The following DENND2B variants were observed in gnomAD, a reference collection of about 807,000 sequenced individuals.
DENND2B encodes DENN domain-containing protein 2B.
A neutral mutation model predicts 116.0 loss-of-function variants in DENND2B; 32 were observed. The ratio of observed to expected loss-of-function variants is 0.28; its 90% CI spans 0.21 to 0.37. The LOEUF is 0.37. DENND2B is among the 10% of genes least tolerant of loss of function. The probability of loss-of-function intolerance (pLI) is 1.00; values close to 1 mark genes in which losing one functional copy is unlikely to be tolerated. For missense variants in DENND2B, 1,276 were observed against 1,477.7 expected, an observed-to-expected ratio of 0.86 and a Z score of 2.24; for synonymous variants, 588 against 583.9, an observed-to-expected ratio of 1.01 and a Z score of -0.10.
At chr11:8,876,172 GC>G (rs1184029066), upstream of DENND2B, among the ~76,000 whole-genome samples, 1 of 152,032 alleles carries the variant, frequency 6.6e-6, no homozygotes, top group African/African-American at 2.4e-5. Flanking sequence ...GATCGTTTGA[GC>G]CCAAGAGTTC....
chr11:8,741,931 GC>G lies in DENND2B; in HGVS notation c.80+8689del, dbSNP rs1185718509. On this transcript the variant is annotated intron_variant, in intron 2 of 19. Transcript: ENST00000313726. ...TTGAGAGACAGTGTCTCACTCTGTT[GC>G]CAGGCTGCAGTGCAGTGGCAAGATC... 4.6e-5 allele frequency among the ~76,000 whole-genome samples: 7 copies of G among 152,194 alleles called. No homozygotes were observed. In the South Asian group the frequency reaches 8.3e-4, roughly 18 times the overall value.
At chr11:8,836,256 T>C (rs377602068) in intron 4 of DENND2B, among the ~76,000 whole-genome samples, 1 of 151,762 alleles carries the variant, frequency 6.6e-6, no homozygotes, top group Non-Finnish European at 1.5e-5. Context: ...GAATCAATTA[T>C]GGAGCTCTTC....
intron 3 of DENND2B, among the ~76,000 whole-genome samples, chr11:8,729,265 CA>C (rs1205031839): frequency 6.6e-6 from 1 of 152,182 alleles, no homozygotes; most frequent in Non-Finnish European, 1.5e-5. Flanking sequence ...CAGCTTTCAC[CA>C]ATTCCAATAG....
chr11:8,802,523 G>A (rs992834889), intron 1 of DENND2B, among the ~76,000 whole-genome samples: 3 of 152,122 alleles, frequency 2.0e-5, no homozygotes, highest in African/African-American at 7.2e-5. Context: ...AGGTTACAGA[G>A]CTATTAGGTG....
At chr11:8,727,866 C>A (rs1159047804) in intron 3 of DENND2B, among the ~76,000 whole-genome samples, 1 of 150,748 alleles carries the variant, frequency 6.6e-6, no homozygotes, top group East Asian at 1.9e-4. Flanking sequence ...GACCAACATG[C>A]TGTCTCTCAT....
At chr11:8,850,846 TAAA>T (rs543282503) in intron 3 of DENND2B, among the ~76,000 whole-genome samples, 1 of 152,078 alleles carries the variant, frequency 6.6e-6, no homozygotes, top group East Asian at 1.9e-4. Flanking sequence ...TATTCAGCTA[TAAA>T]AAAAGAAGGA....
chr11:8,731,473 C>T (rs940933630), intron 2 of DENND2B, among the ~76,000 whole-genome samples: 1 of 152,170 alleles, frequency 6.6e-6, no homozygotes, highest in Non-Finnish European at 1.5e-5. Flanking sequence ...GACACCTGTT[C>T]TGTGCCAAGC....
At chr11:8,799,794 G>C (rs1265657083) in intron 1 of DENND2B, among the ~76,000 whole-genome samples, 1 of 151,536 alleles carries the variant, frequency 6.6e-6, no homozygotes. Context: ...TTTCCCTACT[G>C]GCATTCCTTT....
rs567950850 is a variant in DENND2B, at chr11:8,695,825, C to G, written c.3293-276G>C. ...GGCTGCTTCTCAGTTCAGAGCTGCC[C>G]CAAGTGGACATCTCTAGCTTCCTTC... On this transcript the variant is annotated intron_variant, in intron 18 of 19. Coordinates refer to ENST00000313726, the MANE Select transcript of DENND2B (RefSeq NM_213618.2). 5.4e-4 allele frequency: 265 copies of G among 492,308 alleles called. 1 individual carries two copies. The East Asian group carries it at 8.6e-3, about 16-fold the overall frequency. 30.5% of individuals were successfully genotyped at this position (492,308 alleles called of 1,614,324 possible). A position where few individuals can be genotyped will look rare whatever the true frequency, so the allele number is the denominator to read the frequency against.
chr11:8,717,594 A>G (rs1333389014), intron 5 of DENND2B, 147 bp downstream of exon 5: 5 of 902,038 alleles, frequency 5.5e-6, no homozygotes, highest in Non-Finnish European at 6.2e-6. Flanking sequence ...GAGATCGGGC[A>G]CGTTCAGGGT....
At chr11:8,820,092 G>A (rs961037654) in intron 4 of DENND2B, among the ~76,000 whole-genome samples, 3 of 152,180 alleles carry the variant, frequency 2.0e-5, no homozygotes, top group African/African-American at 4.8e-5. Context: ...TCAAGTTTGG[G>A]AAGCACTAAA....
At chr11:8,900,723 T>C (rs1351744203) in intron 1 of DENND2B, among the ~76,000 whole-genome samples, 3 of 151,730 alleles carry the variant, frequency 2.0e-5, no homozygotes, top group South Asian at 2.1e-4. Flanking sequence ...TCCCAGCACT[T>C]TGGGAGGCCG....
At position 8,702,443 on chromosome 11, in the gene DENND2B, ATC is replaced by A. The variant is rs2041876047; in HGVS notation, c.2720+127_2720+128del. 1.1e-5 allele frequency: 15 copies of A among 1,345,060 alleles called. No homozygotes were observed. Among genetic ancestry groups the A allele is most frequent in the African/African-American group, 1.5e-5 (1 of 68,146 alleles). The allele number at this position is 1,345,060 out of a possible 1,614,324, so 83.3% of individuals were successfully genotyped here. ...GTGCTACCTTTCCACCTAGTCTTCC[ATC>A]TCCCTACGCACAGCCCCACTCCAGC... On this transcript the variant is annotated intron_variant, in intron 14 of 19. Transcript: ENST00000313726. The surrounding 1 kb of genome is among the most constrained non-coding windows in gnomAD (Gnocchi z 4.6).
chr11:8,712,381 C>A lies in DENND2B; in HGVS notation c.2172+170G>T, dbSNP rs1317391220. ...GAACAAGCACTGGCCCAAACCCACC[C>A]CCGCTGCAGCCCTGTCTTCCCTCCT... On this transcript the variant is annotated intron_variant, in intron 9 of 19. Coordinates refer to ENST00000313726, the MANE Select transcript of DENND2B (RefSeq NM_213618.2). The surrounding 1 kb of genome is among the most constrained non-coding windows in gnomAD (Gnocchi z 4.4). Among the ~76,000 whole-genome samples, 1 of 152,184 alleles carries A rather than the reference C, an allele frequency of 6.6e-6. No individual in the cohort carries two copies. Among genetic ancestry groups the A allele is most frequent in the East Asian group, 1.9e-4 (1 of 5,196 alleles).
At chr11:8,781,831 A>G (rs1303212608) in intron 1 of DENND2B, among the ~76,000 whole-genome samples, 1 of 152,222 alleles carries the variant, frequency 6.6e-6, no homozygotes, top group Non-Finnish European at 1.5e-5. Flanking sequence ...AAAATAAAAT[A>G]TTGCTCAATC....
chr11:8,863,852 G>C (rs964384382), intron 2 of DENND2B, among the ~76,000 whole-genome samples: 4 of 152,036 alleles, frequency 2.6e-5, no homozygotes, highest in Non-Finnish European at 5.9e-5. Flanking sequence ...CTATTTTCAA[G>C]AGAATTTCCA....
At chr11:8,723,597 C>T (rs2046568536) in intron 4 of DENND2B, among the ~76,000 whole-genome samples, 3 of 152,220 alleles carry the variant, frequency 2.0e-5, no homozygotes, top group Admixed American at 1.3e-4. Context: ...AATACAGGAA[C>T]AGCACTGGCT....
At chr11:8,909,241 A>T (rs1434931884) in intron 1 of DENND2B, among the ~76,000 whole-genome samples, 2 of 152,172 alleles carry the variant, frequency 1.3e-5, no homozygotes, top group Non-Finnish European at 2.9e-5. Context: ...CGAAACATTT[A>T]AAAAATTTGC....
chr11:8,842,966 T>TACTGGCC (rs2062675414), intron 3 of DENND2B, among the ~76,000 whole-genome samples: 1 of 152,096 alleles, frequency 6.6e-6, no homozygotes, highest in Non-Finnish European at 1.5e-5. Context: ...AAAAATCCTG[T>TACTGGCC]ACTGGCCTAA....
Sources: gnomAD v4.1 joint callset for allele counts (sites outside exome capture counted in the v4.1 genomes callset) on GRCh38, gnomAD v4.1.1 for gene constraint, Gnocchi (gnomAD v3.1) non-coding constraint, MANE v1.5 for transcripts, NCBI Gene and HGNC (gene_info 2026-07-23, HGNC 2026-07-21) for gene names.